Variants in IGFL2 observed in about 807,000 individuals in gnomAD.
IGFL2 encodes insulin growth factor-like family member 2.
In IGFL2, 7 loss-of-function variants were observed where a neutral mutation model predicts 13.9. The ratio of observed to expected loss-of-function variants is 0.51; its 90% CI spans 0.29 to 0.95. The LOEUF is 0.95. Among genes scored for constraint, IGFL2 ranks in the 40% least tolerant of loss-of-function variants. The pLI is 0.08. For synonymous variants in IGFL2, 55 were observed against 55.8 expected (o/e 0.99, Z 0.07); for missense variants, 138 against 147.8 (o/e 0.93, Z 0.34).
intron 1 of IGFL2, among the ~76,000 whole-genome samples, chr19:46,154,678 T>G (rs963359396): frequency 2.6e-5 from 4 of 152,118 alleles, no homozygotes; most frequent in African/African-American, 9.7e-5. Context: ...CTGGATCTCC[T>G]GACCTCGTCA....
At chr19:46,120,948 A>G in the IGFL2 span, among the ~76,000 whole-genome samples, 16,716 of 150,764 alleles carry the variant, frequency 0.11, 1,858 homozygotes, top group African/African-American at 0.22. Context: ...AATTTAAATT[A>G]AAAAATTAAA....
chr19:46,137,430 T>C, the IGFL2 span: 1 of 1,023,564 alleles, frequency 9.8e-7, no homozygotes, highest in South Asian at 1.3e-5. Context: ...GGATGGACAT[T>C]GTAATGGTGC....
the IGFL2 span, among the ~76,000 whole-genome samples, chr19:46,094,512 T>C: frequency 2.0e-5 from 3 of 152,068 alleles, no homozygotes; most frequent in Admixed American, 2.0e-4. Flanking sequence ...TCTTTTTTTT[T>C]TGTGTGTTTT....
chr19:46,187,469 A>T, the IGFL2 span, among the ~76,000 whole-genome samples: 1 of 142,482 alleles, frequency 7.0e-6, no homozygotes, highest in Non-Finnish European at 1.5e-5. Context: ...AGAGACGGTA[A>T]GCATTAACCC....
At chr19:46,113,260 C>T in the IGFL2 span, 4 of 223,366 alleles carry the variant, frequency 1.8e-5, no homozygotes, top group Admixed American at 5.7e-5. Flanking sequence ...AGACCTAGTA[C>T]TCACTATCAC....
At chr19:46,143,099 C>T (rs1480486700), upstream of IGFL2, 1 of 152,176 alleles carries the variant, frequency 6.6e-6, no homozygotes, top group Non-Finnish European at 1.5e-5. Context: ...TATTTTCTTC[C>T]ACCTCTGCCA....
At chr19:46,181,825 A>G in the IGFL2 span, among the ~76,000 whole-genome samples, 4 of 152,312 alleles carry the variant, frequency 2.6e-5, no homozygotes, top group East Asian at 7.7e-4. Context: ...TGTTCTCAGT[A>G]TATTTGGCTC....
the IGFL2 span, among the ~76,000 whole-genome samples, chr19:46,133,591 GC>G: frequency 6.6e-6 from 1 of 152,266 alleles, no homozygotes; most frequent in Non-Finnish European, 1.5e-5. Context: ...GTTCAGGCAT[GC>G]CAGGGCAAAT....
At chr19:46,118,368 A>G in the IGFL2 span, among the ~76,000 whole-genome samples, 10 of 152,306 alleles carry the variant, frequency 6.6e-5, no homozygotes, top group African/African-American at 2.4e-4. Flanking sequence ...GAAGCACCAG[A>G]AGTAAGAAAA....
the IGFL2 span, among the ~76,000 whole-genome samples, chr19:46,105,124 T>C: frequency 6.6e-6 from 1 of 152,202 alleles, no homozygotes; most frequent in African/African-American, 2.4e-5. Flanking sequence ...CCTTTGGAAG[T>C]AAAGCGGCCT....
At chr19:46,191,609 C>A in the IGFL2 span, among the ~76,000 whole-genome samples, 3 of 152,072 alleles carry the variant, frequency 2.0e-5, no homozygotes, top group Non-Finnish European at 4.4e-5. Flanking sequence ...ACAGGGAGGG[C>A]AAGAGACATG....
At chr19:46,196,506 T>C in the IGFL2 span, among the ~76,000 whole-genome samples, 3 of 152,104 alleles carry the variant, frequency 2.0e-5, no homozygotes, top group African/African-American at 4.8e-5. Context: ...ACCCAGTCTT[T>C]TTCTAAATGT....
chr19:46,113,331 T>A, the IGFL2 span: 3 of 301,830 alleles, frequency 9.9e-6, no homozygotes, highest in Non-Finnish European at 2.0e-5. Flanking sequence ...TAGCCTGAAG[T>A]CAGACTGTTG....
At chr19:46,145,373 C>A (rs1391894917), upstream of IGFL2, among the ~76,000 whole-genome samples, 1 of 151,900 alleles carries the variant, frequency 6.6e-6, no homozygotes, top group African/African-American at 2.4e-5. Flanking sequence ...GGCACTTTTT[C>A]ACTTACACCC....
chr19:46,126,991 A>G, the IGFL2 span, among the ~76,000 whole-genome samples: 1 of 152,176 alleles, frequency 6.6e-6, no homozygotes, highest in Admixed American at 6.5e-5. Flanking sequence ...TAGTATATTT[A>G]TGAGGATCAG....
At chr19:46,185,257 C>T in the IGFL2 span, among the ~76,000 whole-genome samples, 1 of 152,178 alleles carries the variant, frequency 6.6e-6, no homozygotes, top group Non-Finnish European at 1.5e-5. Flanking sequence ...CTCTCAGTTC[C>T]TCTCTTCTTC....
At chr19:46,119,238 G>A in the IGFL2 span, among the ~76,000 whole-genome samples, 1 of 152,148 alleles carries the variant, frequency 6.6e-6, no homozygotes, top group Admixed American at 6.5e-5. Flanking sequence ...GACCACTGCA[G>A]TACTACAAGT....
chr19:46,087,789 G>T, the IGFL2 span, among the ~76,000 whole-genome samples: 1 of 152,200 alleles, frequency 6.6e-6, no homozygotes, highest in Non-Finnish European at 1.5e-5. Flanking sequence ...TTCCACTTTG[G>T]TCCTGGCAGT....
At chr19:46,142,888 C>G (rs930468902), upstream of IGFL2, among the ~76,000 whole-genome samples, 3 of 152,186 alleles carry the variant, frequency 2.0e-5, no homozygotes, top group Non-Finnish European at 4.4e-5. Context: ...CACTGTCAAG[C>G]CTTCACAGCA....
Sources: gnomAD v4.1 joint callset for allele counts (sites outside exome capture counted in the v4.1 genomes callset) on GRCh38, gnomAD v4.1.1 for gene constraint, MANE v1.5 for transcripts, NCBI Gene and HGNC (gene_info 2026-07-23, HGNC 2026-07-21) for gene names.